Variants in PRKG2 observed in about 807,000 individuals in gnomAD.
The protein encoded by PRKG2 is protein kinase cGMP-dependent 2.
In PRKG2, 33 loss-of-function variants were observed where a neutral mutation model predicts 97.2. That is an observed-to-expected ratio of 0.34 (90% CI 0.26 to 0.45). The LOEUF (loss-of-function observed/expected upper bound fraction) is 0.45. Among genes scored for constraint, PRKG2 ranks in the 20% least tolerant of loss-of-function variants. The pLI, the probability that PRKG2 is intolerant of heterozygous loss-of-function variation, is 1.00. For synonymous variants in PRKG2, 330 were observed against 321.8 expected, an observed-to-expected ratio of 1.03 and a Z score of -0.27; for missense variants, 638 against 900.0, an observed-to-expected ratio of 0.71 and a Z score of 3.73.
rs148535138 is a variant in PRKG2, at chr4:81,199,452, C to A, written c.461+5135G>T. ...AAATTATCTATAGGAATGAATAGAG[C>A]AGAATCTGGACAGCGGGTTTTCTGA... On this transcript the variant is annotated intron_variant, in intron 2 of 18. Transcript: ENST00000264399. Among the ~76,000 whole-genome samples the A allele has an allele frequency of 2.4e-3, 359 of 152,210 alleles. 2 individuals carry two copies. The highest frequency in any genetic ancestry group is 8.2e-3 in the African/African-American group (340 of 41,530).
intron 1 of PRKG2, 142 bp from the exon 2 acceptor site, chr4:81,205,202 TC>T: frequency 1.8e-6 from 1 of 561,946 alleles, no homozygotes; most frequent in Non-Finnish European, 2.9e-6. Context: ...TCCCGAAGTT[TC>T]CAGAAAAAAA....
At position 81,153,719 on chromosome 4, in the gene PRKG2, T is replaced by C. The variant is rs760046674; in HGVS notation, c.915A>G (p.Glu305=). 1.9e-6 allele frequency: 3 copies of C among 1,602,450 alleles called. No homozygotes were observed. The highest frequency in any genetic ancestry group is 1.1e-5 in the South Asian group (1 of 90,720). ...LTKIIDCLEV[E]YYDKGDYIIR... is the part of the protein sequence containing the mutation. ...TGATGTAATCTCCTTTGTCATAGTA[T>C]TCCTGTTGGGATGAGAGAGAAAGAA... The change falls in exon 7 of 19, where the codon GAA becomes GAG. Residue 305 remains glutamate, a splice_region_variant and synonymous_variant. Transcript: ENST00000264399.
chr4:81,175,325 C>T (rs1750830917), intron 2 of PRKG2: 1 of 167,736 alleles, frequency 6.0e-6, no homozygotes, highest in Non-Finnish European at 1.3e-5. Flanking sequence ...TAAGGGACTA[C>T]AATACAGTCT....
chr4:81,204,104 AG>A (rs1404305259), intron 2 of PRKG2, among the ~76,000 whole-genome samples: 2 of 152,232 alleles, frequency 1.3e-5, no homozygotes, highest in Admixed American at 6.5e-5. Flanking sequence ...CATCTAACAC[AG>A]TGGCTGGCAG....
chr4:81,107,666 C>A (rs1328720431), intron 15 of PRKG2, among the ~76,000 whole-genome samples: 1 of 152,004 alleles, frequency 6.6e-6, no homozygotes, highest in Non-Finnish European at 1.5e-5. Flanking sequence ...GTGCACGCCA[C>A]CATGCCCAGC....
At position 81,144,400 on chromosome 4, in the gene PRKG2, C is replaced by T. The variant is rs955642350; in HGVS notation, c.1155-70G>A. 4.9e-6 allele frequency: 6 copies of T among 1,229,208 alleles called. No individual in the cohort carries two copies. In the African/African-American group the frequency reaches 6.0e-5, roughly 12 times the overall value. 76.1% of individuals were successfully genotyped at this position (1,229,208 alleles called of 1,614,324 possible). On this transcript the variant is annotated intron_variant, in intron 9 of 18. Transcript: ENST00000264399. ...CAAGGCAACTTGACATTCTTCTAAG[C>T]TCATAAAACACAAGCTGGTTATTCC...
intron 6 of PRKG2, among the ~76,000 whole-genome samples, chr4:81,165,171 T>C (rs971536806): frequency 1.3e-5 from 2 of 152,158 alleles, no homozygotes; most frequent in African/African-American, 4.8e-5. Context: ...AGGCAATGGC[T>C]GCCTCTATAA....
intron 2 of PRKG2, among the ~76,000 whole-genome samples, chr4:81,184,483 T>C (rs972408292): frequency 1.6e-4 from 25 of 152,114 alleles, no homozygotes; most frequent in African/African-American, 5.8e-4. Flanking sequence ...AAACCCCATC[T>C]GAAGGTCACC....
chr4:81,101,034 T>A (rs1473735151), intron 17 of PRKG2, among the ~76,000 whole-genome samples: 1 of 151,992 alleles, frequency 6.6e-6, no homozygotes, highest in Non-Finnish European at 1.5e-5. Flanking sequence ...TCACACCAGT[T>A]AGAATGGCGA....
At position 81,105,662 on chromosome 4, in the gene PRKG2, CA is replaced by C. The variant is rs535985319; in HGVS notation, c.2063+150del. ...AGGTCAACTAAAACCCCCTACACTG[CA>C]AAACAGAAAATGACTTCCTTCAAAT... is the stretch of plus-strand genomic sequence containing the variant. On this transcript the variant is annotated intron_variant, in intron 16 of 18. Coordinates refer to ENST00000264399, the MANE Select transcript of PRKG2 (RefSeq NM_006259.3). 158 of 1,151,710 alleles carry C rather than the reference CA, an allele frequency of 1.4e-4. No homozygotes were observed. In the African/African-American group the frequency reaches 2.3e-3, roughly 17 times the overall value. 71.3% of individuals were successfully genotyped at this position (1,151,710 alleles called of 1,614,324 possible). A position where few individuals can be genotyped will look rare whatever the true frequency, so the allele number is the denominator to read the frequency against.
chr4:81,158,080 G>A (rs969075231), intron 6 of PRKG2, among the ~76,000 whole-genome samples: 9 of 147,960 alleles, frequency 6.1e-5, no homozygotes, highest in Non-Finnish European at 1.3e-4. Flanking sequence ...TTCTGGCCAG[G>A]GCAATTAGGC....
chr4:81,101,239 T>C (rs149203394), intron 17 of PRKG2, among the ~76,000 whole-genome samples: 2,062 of 152,102 alleles, frequency 0.014, 53 homozygotes, highest in African/African-American at 0.047. Flanking sequence ...GGATTATAAA[T>C]CATGCTGCTA....
chr4:81,212,803 A>C (rs916565680), intron 1 of PRKG2, among the ~76,000 whole-genome samples: 9 of 152,188 alleles, frequency 5.9e-5, no homozygotes, highest in Admixed American at 5.9e-4. Context: ...TTGGAAAGAA[A>C]ACTGTAAGAT....
chr4:81,208,123 A>C (rs572932531), intron 1 of PRKG2, among the ~76,000 whole-genome samples: 11 of 152,334 alleles, frequency 7.2e-5, no homozygotes, highest in Admixed American at 2.0e-4. Context: ...TAGGGTTATA[A>C]AACAATCTGC....
intron 2 of PRKG2, among the ~76,000 whole-genome samples, chr4:81,189,667 C>T (rs968236228): frequency 7.3e-5 from 11 of 151,242 alleles, no homozygotes; most frequent in African/African-American, 2.2e-4. Flanking sequence ...TGCTAAATGA[C>T]GAGTTAATGG....
intron 17 of PRKG2, among the ~76,000 whole-genome samples, chr4:81,102,214 G>GA (rs1742874476): frequency 6.6e-6 from 1 of 152,174 alleles, no homozygotes; most frequent in Admixed American, 6.6e-5. Context: ...GCTGAGGTGA[G>GA]AAAATCCTTT....
chr4:81,140,786 T>C, intron 11 of PRKG2, 117 bp from the exon 12 acceptor site: 1 of 808,148 alleles, frequency 1.2e-6, no homozygotes, highest in Non-Finnish European at 1.9e-6. Flanking sequence ...TAGCCACTTA[T>C]CCCTTTGAGA....
intron 4 of PRKG2, among the ~76,000 whole-genome samples, chr4:81,170,335 A>G (rs924258136): frequency 7.2e-5 from 11 of 152,048 alleles, no homozygotes; most frequent in Non-Finnish European, 1.5e-4. Context: ...ATTTTTTTTT[A>G]CAGTAAAGAC....
At chr4:81,093,630 G>T (rs1285076894) in intron 17 of PRKG2, among the ~76,000 whole-genome samples, 1 of 152,168 alleles carries the variant, frequency 6.6e-6, no homozygotes, top group Non-Finnish European at 1.5e-5. Context: ...GTGATTGAAT[G>T]ACTCTGCAAA....
Sources: gnomAD v4.1 joint callset for allele counts (sites outside exome capture counted in the v4.1 genomes callset) on GRCh38, gnomAD v4.1.1 for gene constraint, MANE v1.5 for transcripts, NCBI Gene and HGNC (gene_info 2026-07-23, HGNC 2026-07-21) for gene names.